The following REDIC1 variants were observed in gnomAD, a reference collection of about 807,000 sequenced individuals.
REDIC1 encodes the protein regulator of DNA class I crossover intermediates 1, also known as HEI10 Interacting Protein 1.
chr12:39,672,770 G>A, the REDIC1 span, among the ~76,000 whole-genome samples: 2 of 152,160 alleles, frequency 1.3e-5, no homozygotes, highest in African/African-American at 4.8e-5. Flanking sequence ...CCATCTAGAT[G>A]GACATGGGAA....
chr12:39,700,331 A>T, the REDIC1 span, among the ~76,000 whole-genome samples: 1 of 152,332 alleles, frequency 6.6e-6, no homozygotes, highest in South Asian at 2.1e-4. Flanking sequence ...ACTGGAAGAA[A>T]GGGTATCAGC....
the REDIC1 span, among the ~76,000 whole-genome samples, chr12:39,851,070 T>G: frequency 6.6e-6 from 1 of 152,044 alleles, no homozygotes; most frequent in East Asian, 1.9e-4. Context: ...CAGCTAATTT[T>G]TGTATCTTTA....
At chr12:39,634,263 A>G in the REDIC1 span, among the ~76,000 whole-genome samples, 1 of 151,972 alleles carries the variant, frequency 6.6e-6, no homozygotes, top group Non-Finnish European at 1.5e-5. Flanking sequence ...AATGCTTGTG[A>G]TTTTTGCACA....
At chr12:39,689,377 T>A in the REDIC1 span, among the ~76,000 whole-genome samples, 1 of 152,196 alleles carries the variant, frequency 6.6e-6, no homozygotes. Flanking sequence ...CTAGCATCAC[T>A]CTGATTCAGA....
At chr12:39,877,657 A>G in the REDIC1 span, among the ~76,000 whole-genome samples, 1 of 152,214 alleles carries the variant, frequency 6.6e-6, no homozygotes, top group Non-Finnish European at 1.5e-5. Context: ...GGACTTGTGG[A>G]AAGATACACT....
chr12:39,741,514 T>A, the REDIC1 span, among the ~76,000 whole-genome samples: 9 of 152,210 alleles, frequency 5.9e-5, no homozygotes, highest in African/African-American at 1.7e-4. Context: ...TAGAGAGATG[T>A]TAACGGACAA....
chr12:39,783,260 C>A, the REDIC1 span, among the ~76,000 whole-genome samples: 3 of 152,164 alleles, frequency 2.0e-5, no homozygotes, highest in Non-Finnish European at 4.4e-5. Context: ...TTTCTTAATT[C>A]ACTCTATCAC....
At chr12:39,896,482 G>A in the REDIC1 span, among the ~76,000 whole-genome samples, 3 of 145,808 alleles carry the variant, frequency 2.1e-5, no homozygotes, top group Admixed American at 7.0e-5. Flanking sequence ...ATGTATATGT[G>A]TATATATGTA....
chr12:39,706,014 G>T, the REDIC1 span, among the ~76,000 whole-genome samples: 1 of 151,978 alleles, frequency 6.6e-6, no homozygotes, highest in Non-Finnish European at 1.5e-5. Context: ...AAATTGGAAA[G>T]AAAGAAGTCA....
the REDIC1 span, among the ~76,000 whole-genome samples, chr12:39,906,128 AGAACTTT>A: frequency 0.97 from 148,059 of 152,010 alleles, 72,241 homozygotes; most frequent in East Asian, 1. Context: ...TTGCAGATAC[AGAACTTT>A]GAACTTTGTT....
At chr12:39,669,463 A>G in the REDIC1 span, among the ~76,000 whole-genome samples, 1 of 152,130 alleles carries the variant, frequency 6.6e-6, no homozygotes, top group African/African-American at 2.4e-5. Flanking sequence ...GTCTGCCCCT[A>G]CTGGGGGGTG....
the REDIC1 span, among the ~76,000 whole-genome samples, chr12:39,734,363 C>T: frequency 6.6e-6 from 1 of 152,206 alleles, no homozygotes; most frequent in African/African-American, 2.4e-5. Flanking sequence ...AGCCATCTTG[C>T]CCAGGAATCA....
chr12:39,872,054 A>G, the REDIC1 span: 35 of 1,098,054 alleles, frequency 3.2e-5, no homozygotes, highest in South Asian at 8.6e-4. Context: ...TTTGAAAAAA[A>G]TATAAGGAGA....
At chr12:39,641,414 T>G in the REDIC1 span, among the ~76,000 whole-genome samples, 1 of 151,828 alleles carries the variant, frequency 6.6e-6, no homozygotes, top group Admixed American at 6.6e-5. Flanking sequence ...AAGAAACCCT[T>G]GTACATGTGC....
the REDIC1 span, among the ~76,000 whole-genome samples, chr12:39,669,095 A>G: frequency 6.6e-6 from 1 of 152,100 alleles, no homozygotes; most frequent in Non-Finnish European, 1.5e-5. Context: ...CTTGCTGGTG[A>G]GGAGCTGCGT....
the REDIC1 span, among the ~76,000 whole-genome samples, chr12:39,719,204 C>A: frequency 7.0e-4 from 106 of 152,126 alleles, no homozygotes; most frequent in Non-Finnish European, 1.1e-3. Context: ...TTACAGTGTT[C>A]TTTGTTAACT....
the REDIC1 span, among the ~76,000 whole-genome samples, chr12:39,887,455 C>T: frequency 1.3e-5 from 2 of 152,118 alleles, no homozygotes; most frequent in East Asian, 3.9e-4. Flanking sequence ...CCAGAGCAGG[C>T]TTACAGTGGA....
At chr12:39,700,860 C>A in the REDIC1 span, among the ~76,000 whole-genome samples, 111 of 152,108 alleles carry the variant, frequency 7.3e-4, no homozygotes, top group African/African-American at 2.5e-3. Flanking sequence ...AAGGAGAAAT[C>A]AAATCCTTTA....
At chr12:39,873,535 C>T in the REDIC1 span, among the ~76,000 whole-genome samples, 2 of 151,996 alleles carry the variant, frequency 1.3e-5, no homozygotes, top group African/African-American at 4.8e-5. Flanking sequence ...TATTTAAAGC[C>T]AAAAGAATTT....
Sources: gnomAD v4.1 joint callset for allele counts (sites outside exome capture counted in the v4.1 genomes callset) on GRCh38, gnomAD v4.1.1 for gene constraint, MANE v1.5 for transcripts, NCBI Gene and HGNC (gene_info 2026-07-23, HGNC 2026-07-21) for gene names.